The following SLAIN2 variants were observed in gnomAD, a reference collection of about 807,000 sequenced individuals.
SLAIN2 encodes SLAIN family member 2.
A neutral mutation model predicts 56.6 loss-of-function variants in SLAIN2; 31 were observed. That is an observed-to-expected ratio of 0.55 (90% confidence interval 0.41 to 0.74). SLAIN2 has a LOEUF of 0.74. Among genes scored for constraint, SLAIN2 ranks in the 30% least tolerant of loss-of-function variants. SLAIN2 has a pLI of 0.00. For missense variants in SLAIN2, 777 were observed against 754.2 expected (o/e 1.03, Z -0.35); for synonymous variants, 317 against 284.9 (o/e 1.11, Z -1.13).
At chr4:48,420,009 G>T in intron 6 of SLAIN2, 116 bp from the exon 7 acceptor site, 1 of 1,020,622 alleles carries the variant, frequency 9.8e-7, no homozygotes. Flanking sequence ...TTGCATTGCT[G>T]TGAAGTTTCC....
In SLAIN2 at chr4:48,424,992, C is replaced by G. The variant is rs1181917378; in HGVS notation, c.*2915C>G. On this transcript the variant is annotated 3_prime_UTR_variant, in exon 8 of 8. Coordinates refer to ENST00000264313, the MANE Select transcript of SLAIN2 (RefSeq NM_020846.2). ...TGTGGTTGCCTCCTTAATAAACAGC[C>G]TGACCATAATGTTTATTATTAAATT... The G allele has an allele frequency of 6.6e-6, 1 of 152,038 alleles. No individual in the cohort carries two copies. The highest frequency in any genetic ancestry group is 6.6e-5 in the Admixed American group (1 of 15,256). The allele number at this position is 152,038 out of a possible 1,614,324, so 9.4% of individuals were successfully genotyped here. A position where few individuals can be genotyped will look rare whatever the true frequency, so the allele number is the denominator to read the frequency against.
rs1267843220 is a variant in SLAIN2, at chr4:48,341,877, C to T, written c.138C>T (p.Pro46=). Reference sequence around the variant, plus strand: ...TGCAGGGCGCCGGCTCCCTTGGGCCCGGCAGCCCGGTTCGGGCCGGCGCGT... The same window carrying T: ...TGCAGGGCGCCGGCTCCCTTGGGCCTGGCAGCCCGGTTCGGGCCGGCGCGT... ...GAVQGAGSLG[P]GSPVRAGASI... The change falls in exon 1 of 8, where the codon CCC becomes CCT. Residue 46 remains proline, a synonymous_variant. Transcript: ENST00000264313. 1.3e-6 allele frequency: 2 copies of T among 1,516,762 alleles called. No individual in the cohort carries two copies. The highest frequency in any genetic ancestry group is 2.5e-5 in the South Asian group (2 of 81,068). The allele number at this position is 1,516,762 out of a possible 1,614,324, so 94.0% of individuals were successfully genotyped here.
chr4:48,392,774 A>G (rs1716268535), intron 6 of SLAIN2, among the ~76,000 whole-genome samples: 1 of 150,312 alleles, frequency 6.7e-6, no homozygotes. Flanking sequence ...TTTCTACTTA[A>G]TTTTCTCTTT....
chr4:48,393,814 A>G (rs1716294703), intron 6 of SLAIN2, among the ~76,000 whole-genome samples: 2 of 152,116 alleles, frequency 1.3e-5, no homozygotes, highest in Non-Finnish European at 2.9e-5. Context: ...TTTATCTTGG[A>G]TGGCCCTGAG....
rs2109759451 is a variant in SLAIN2 at position 48,378,009 on chromosome 4, A to G, written c.652A>G (p.Thr218Ala). ...CAGTGGCTTCAATTCTCCATCCTCA[A>G]CCCCAGTGCGACCTCCTATAGTCAA... ...YSSGFNSPSS[T>A]PVRPPIVKQL... The change falls in exon 3 of 8, where the codon ACC becomes GCC. Residue 218 changes from threonine (T) to alanine (A), a missense_variant. By Grantham distance (58) the Thr-to-Ala change is moderately conservative. Coordinates refer to ENST00000264313, the MANE Select transcript of SLAIN2 (RefSeq NM_020846.2). 1.9e-6 allele frequency: 3 copies of G among 1,613,796 alleles called. No homozygotes were observed. The highest frequency in any genetic ancestry group is 4.5e-5 in the East Asian group (2 of 44,864).
rs570755226 is a variant in SLAIN2, at chr4:48,424,268, A to T, written c.*2191A>T. The T allele has an allele frequency of 7.9e-5, 12 of 152,252 alleles. No individual in the cohort carries two copies. The East Asian group carries it at 2.3e-3, about 29-fold the overall frequency. The allele number at this position is 152,252 out of a possible 1,614,324, so 9.4% of individuals were successfully genotyped here. Reference sequence around the variant, plus strand: ...TGACTTTTAGTTTCTTAAAGAGAAAAATTGCCTTTTTACTAGAAAGCCTTT... The same window carrying T: ...TGACTTTTAGTTTCTTAAAGAGAAATATTGCCTTTTTACTAGAAAGCCTTT... On this transcript the variant is annotated 3_prime_UTR_variant, in exon 8 of 8. Coordinates refer to ENST00000264313, the MANE Select transcript of SLAIN2 (RefSeq NM_020846.2).
chr4:48,371,416 T>A (rs1000457192), intron 2 of SLAIN2, among the ~76,000 whole-genome samples: 2 of 152,208 alleles, frequency 1.3e-5, no homozygotes, highest in African/African-American at 4.8e-5. Context: ...TGTGATTTTT[T>A]AAATGTTTAG....
chr4:48,362,751 T>TTTTTTTTTTTTTTTTTTTTC (rs1715367122), intron 1 of SLAIN2, among the ~76,000 whole-genome samples: 1 of 60,834 alleles, frequency 1.6e-5, no homozygotes, highest in Non-Finnish European at 3.7e-5. Flanking sequence ...TTTTTTATTC[T>TTTTTTTTTTTTTTTTTTTTC]TTTTTTTTTT....
At chr4:48,406,525 CTTTTTT>C (rs34797619) in intron 6 of SLAIN2, among the ~76,000 whole-genome samples, 4 of 135,096 alleles carry the variant, frequency 3.0e-5, no homozygotes, top group Non-Finnish European at 6.3e-5. Context: ...CTCTCTCTCT[CTTTTTT>C]TTTTTTTTTT....
At chr4:48,377,745 G>T (rs1267881253) in intron 2 of SLAIN2, 151 bp from the exon 3 acceptor site, 2 of 739,616 alleles carry the variant, frequency 2.7e-6, no homozygotes, top group Admixed American at 2.9e-5. Flanking sequence ...CAATTTGTTG[G>T]GATTATTATA....
At chr4:48,346,172 AC>A (rs1208065877) in intron 1 of SLAIN2, among the ~76,000 whole-genome samples, 1 of 152,124 alleles carries the variant, frequency 6.6e-6, no homozygotes, top group East Asian at 1.9e-4. Flanking sequence ...TTCTTCACAA[AC>A]TTTTTTTTCA....
At chr4:48,371,773 C>T (rs1227388561) in intron 2 of SLAIN2, among the ~76,000 whole-genome samples, 1 of 151,962 alleles carries the variant, frequency 6.6e-6, no homozygotes, top group Admixed American at 6.6e-5. Flanking sequence ...GAGACCCCAC[C>T]TCTACAAAAA....
intron 6 of SLAIN2, among the ~76,000 whole-genome samples, chr4:48,419,396 G>C (rs1560467495): frequency 1.3e-5 from 2 of 152,026 alleles, no homozygotes. Flanking sequence ...GAGTTACCAC[G>C]CCTGATCTTC....
At chr4:48,353,853 A>C (rs1715081936) in intron 1 of SLAIN2, among the ~76,000 whole-genome samples, 2 of 152,352 alleles carry the variant, frequency 1.3e-5, no homozygotes, top group South Asian at 4.1e-4. Context: ...GAGCAAGGTC[A>C]GTGGAAATGA....
intron 1 of SLAIN2, among the ~76,000 whole-genome samples, chr4:48,348,914 G>A (rs1028178324): frequency 6.6e-6 from 1 of 152,142 alleles, no homozygotes; most frequent in East Asian, 1.9e-4. Context: ...TGAGTTAGCA[G>A]GGTATTTAAA....
intron 6 of SLAIN2, among the ~76,000 whole-genome samples, chr4:48,393,348 T>C (rs2109771094): frequency 6.6e-6 from 1 of 151,642 alleles, no homozygotes; most frequent in Admixed American, 6.6e-5. Flanking sequence ...CTCAGCCTCC[T>C]GAATAGCTGG....
intron 1 of SLAIN2, among the ~76,000 whole-genome samples, chr4:48,363,854 C>A (rs1715420564): frequency 7.0e-6 from 1 of 142,114 alleles, no homozygotes; most frequent in Admixed American, 6.8e-5. Flanking sequence ...GGGCTCCTTA[C>A]TTCCCAGTAG....
At chr4:48,380,521 T>G (rs1715943251) in intron 4 of SLAIN2, among the ~76,000 whole-genome samples, 1 of 152,150 alleles carries the variant, frequency 6.6e-6, no homozygotes, top group Non-Finnish European at 1.5e-5. Flanking sequence ...TGAAAACTTT[T>G]TAGGCCACAG....
At chr4:48,394,586 G>T (rs1198110171) in intron 6 of SLAIN2, 29 of 1,535,694 alleles carry the variant, frequency 1.9e-5, no homozygotes, top group Non-Finnish European at 1.7e-6. Flanking sequence ...CTTCGCAAAG[G>T]CTGAAAAATT....
Sources: allele counts gnomAD v4.1 joint callset (sites outside exome capture counted in the v4.1 genomes callset), GRCh38; gene constraint gnomAD v4.1.1; transcripts MANE v1.5; gene names NCBI Gene and HGNC (gene_info 2026-07-23, HGNC 2026-07-21).